RYR2: variants seen among roughly 807,000 people sequenced by gnomAD.
The protein encoded by RYR2 is cardiac muscle ryanodine receptor-calcium release channel.
RYR2 carries 227 observed loss-of-function variants against 601.1 expected under a neutral mutation model. That is an observed-to-expected ratio of 0.38 (90% CI 0.34 to 0.42). The LOEUF (loss-of-function observed/expected upper bound fraction) is 0.42. RYR2 is among the 10% of genes least tolerant of loss of function. The pLI, the probability that RYR2 is intolerant of heterozygous loss-of-function variation, is 1.00. For synonymous variants in RYR2, 2,223 were observed against 2,175.1 expected, an observed-to-expected ratio of 1.02 and a Z score of -0.61; for missense variants, 4,646 against 6,156.5, an observed-to-expected ratio of 0.75 and a Z score of 8.21.
intron 1 of RYR2, among the ~76,000 whole-genome samples, chr1:237,078,681 C>T (rs1572554081): frequency 8.3e-6 from 1 of 120,330 alleles, no homozygotes; most frequent in African/African-American, 3.2e-5. Flanking sequence ...GATTCACAGC[C>T]GAATTCTACC....
At chr1:237,521,733 AAATT>A (rs1436643966) in intron 24 of RYR2, among the ~76,000 whole-genome samples, 1 of 98,396 alleles carries the variant, frequency 1.0e-5, no homozygotes, top group Admixed American at 1.3e-4. Flanking sequence ...AAGAAAAAAA[AAATT>A]AAATACATAA....
intron 1 of RYR2, among the ~76,000 whole-genome samples, chr1:237,105,701 A>G (rs1400861783): frequency 6.6e-6 from 1 of 152,008 alleles, no homozygotes; most frequent in Non-Finnish European, 1.5e-5. Context: ...CAATACAAAA[A>G]TTGGCAGCTG....
intron 1 of RYR2, among the ~76,000 whole-genome samples, chr1:237,191,146 C>T (rs1209467873): frequency 8.5e-5 from 13 of 152,096 alleles, no homozygotes; most frequent in African/African-American, 3.1e-4. Flanking sequence ...CCAGTTTTCC[C>T]AGCACCATTT....
chr1:237,317,090 G>A (rs1426949335), intron 2 of RYR2, among the ~76,000 whole-genome samples: 2 of 152,162 alleles, frequency 1.3e-5, no homozygotes, highest in Non-Finnish European at 2.9e-5. Flanking sequence ...AGTGGACCGA[G>A]GAGTATTTAT....
At chr1:237,668,227 A>G (rs969237177) in intron 58 of RYR2, among the ~76,000 whole-genome samples, 3 of 152,142 alleles carry the variant, frequency 2.0e-5, no homozygotes, top group Admixed American at 6.5e-5. Flanking sequence ...GAGTTGTTCT[A>G]TGAATGACTT....
intron 68 of RYR2, among the ~76,000 whole-genome samples, chr1:237,707,742 C>T (rs188338936): frequency 2.9e-4 from 44 of 152,156 alleles, no homozygotes; most frequent in Admixed American, 1.3e-3. Flanking sequence ...TATACATCTA[C>T]ATGCCAGAAT....
intron 16 of RYR2, among the ~76,000 whole-genome samples, chr1:237,461,718 T>A: frequency 6.6e-6 from 1 of 151,280 alleles, no homozygotes. Flanking sequence ...ATGTACTAAT[T>A]ACAGTTGAGT....
intron 1 of RYR2, among the ~76,000 whole-genome samples, chr1:237,232,061 G>A (rs1292107015): frequency 1.4e-4 from 21 of 152,312 alleles, no homozygotes; most frequent in Non-Finnish European, 1.0e-4. Flanking sequence ...TGTGAACAGA[G>A]GAGTGATACT....
chr1:237,044,041 A>G (rs1411004625), intron 1 of RYR2, among the ~76,000 whole-genome samples: 1 of 152,214 alleles, frequency 6.6e-6, no homozygotes, highest in Admixed American at 6.5e-5. Context: ...TAATAGCTGC[A>G]GGTTATGCAC....
chr1:237,722,417 G>A (rs1311099366), intron 73 of RYR2, among the ~76,000 whole-genome samples: 1 of 151,266 alleles, frequency 6.6e-6, no homozygotes, highest in Non-Finnish European at 1.5e-5. Flanking sequence ...GACTTTATCT[G>A]TCTTTCTTAG....
chr1:237,438,354 T>G (rs538101521), intron 12 of RYR2, among the ~76,000 whole-genome samples: 1 of 152,300 alleles, frequency 6.6e-6, no homozygotes, highest in Non-Finnish European at 1.5e-5. Flanking sequence ...CATTTCTAGT[T>G]TCTTTGTATC....
At position 237,395,533 on chromosome 1, in the gene RYR2, C is replaced by CTTTTTTT. The variant is rs71180022; in HGVS notation, c.773+7375_773+7381dup. Among the ~76,000 whole-genome samples, 869 of 87,394 alleles carry CTTTTTTT rather than the reference C, an allele frequency of 9.9e-3. 74 individuals carry two copies. The highest frequency in any genetic ancestry group is 0.016 in the Non-Finnish European group (739 of 46,730). The allele number at this position is 87,394 out of a possible 152,430, so 57.3% of individuals were successfully genotyped here. ...AGGACACGTCCGCTAGTAGGACTGT[C>CTTTTTTT]TTTTTTTTTTTTTTTTTTTTTTTTT... On this transcript the variant is annotated intron_variant, in intron 10 of 104. Transcript: ENST00000366574.
chr1:237,100,307 CT>C (rs1356660660), intron 1 of RYR2, among the ~76,000 whole-genome samples: 2 of 152,170 alleles, frequency 1.3e-5, no homozygotes, highest in Non-Finnish European at 1.5e-5. Flanking sequence ...AGTTCCTGAT[CT>C]GGGATGGGTG....
At chr1:237,245,399 G>A (rs1401308922) in intron 1 of RYR2, among the ~76,000 whole-genome samples, 5 of 152,072 alleles carry the variant, frequency 3.3e-5, no homozygotes, top group Non-Finnish European at 7.4e-5. Flanking sequence ...ACATGCTCCT[G>A]TTAATGTGGA....
intron 29 of RYR2, among the ~76,000 whole-genome samples, chr1:237,583,101 A>G (rs1674117217): frequency 6.6e-6 from 1 of 151,760 alleles, no homozygotes; most frequent in African/African-American, 2.4e-5. Flanking sequence ...TTCTTTTTTG[A>G]CTTTTTAATA....
intron 16 of RYR2, among the ~76,000 whole-genome samples, chr1:237,464,095 A>C (rs1659785180): frequency 6.6e-6 from 1 of 152,192 alleles, no homozygotes; most frequent in Admixed American, 6.6e-5. Context: ...TGCTTGCAGA[A>C]TAACACGTGT....
At chr1:237,525,572 T>G (rs1667491424) in intron 24 of RYR2, among the ~76,000 whole-genome samples, 1 of 151,976 alleles carries the variant, frequency 6.6e-6, no homozygotes, top group South Asian at 2.1e-4. Flanking sequence ...TGCCACAGCC[T>G]CCCAAGTAGC....
chr1:237,261,871 T>C (rs1195806451), intron 1 of RYR2, among the ~76,000 whole-genome samples: 1 of 152,158 alleles, frequency 6.6e-6, no homozygotes, highest in Non-Finnish European at 1.5e-5. Context: ...ATACTATTCT[T>C]TTTTTTCTTT....
Position 237,610,871 on chromosome 1 carries a change from G to C in RYR2, c.4793G>C (p.Arg1598Thr). The change falls in exon 36 of 105, where the codon AGA (arginine) becomes ACA (threonine). Residue 1598 changes from arginine to threonine, a missense_variant. Arg to Thr is a moderately conservative substitution (Grantham distance 71, BLOSUM62 -1). Around this residue, in one of 17 missense-constraint regions of RYR2, gnomAD observed 1,807 missense variants for 2,088.1 expected, o/e 0.87. Transcript: ENST00000366574. This position sits in a 1 kb window ranked among gnomAD's most constrained non-coding sequence, Gnocchi z 4.9. ...VQFLSHVLWS[R>T]MPNQFLKVDV... ...TTCCTGTCACACGTCCTGTGGAGCA[G>C]AATGCCCAACCAGTTTTTGAAGGTA... 2 of 1,613,410 alleles carry C rather than the reference G, an allele frequency of 1.2e-6. No homozygotes were observed. The highest frequency in any genetic ancestry group is 2.2e-5 in the East Asian group (1 of 44,840).
Sources: gnomAD v4.1 joint callset for allele counts (sites outside exome capture counted in the v4.1 genomes callset) on GRCh38, gnomAD v4.1.1 for gene constraint, gnomAD v4.1.1 regional missense constraint, Gnocchi (gnomAD v3.1) non-coding constraint, MANE v1.5 for transcripts, NCBI Gene and HGNC (gene_info 2026-07-23, HGNC 2026-07-21) for gene names.